The following ZNF17 variants were observed in gnomAD, a reference collection of about 807,000 sequenced individuals.
ZNF17 encodes zinc finger protein 17 (HPF3, KOX 10).
Under a neutral mutation model 7.7 loss-of-function variants are expected in ZNF17, and 4 were observed. The ratio of observed to expected loss-of-function variants is 0.52; its 90% CI spans 0.26 to 1.20. The LOEUF (loss-of-function observed/expected upper bound fraction) is 1.20, where lower values mean the gene tolerates loss of function less well. Ranked by LOEUF, ZNF17 falls within the 50% of genes most tolerant of loss-of-function variation. ZNF17 has a pLI of 0.14. For missense variants in ZNF17, 738 were observed against 799.5 expected, an observed-to-expected ratio of 0.92 and a Z score of 0.93; for synonymous variants, 249 against 258.8, an observed-to-expected ratio of 0.96 and a Z score of 0.36.
In ZNF17 at chr19:57,420,847, G is replaced by A. The variant is rs773653084; in HGVS notation, c.1361G>A (p.Arg454Lys). 1.2e-6 allele frequency: 2 copies of A among 1,614,052 alleles called. No individual in the cohort carries two copies. The highest frequency in any genetic ancestry group is 3.3e-5 in the Admixed American group (2 of 60,006). ...YECNKCGKFFRYCFTLNRHQR... is the reference protein window; with the variant it reads ...YECNKCGKFFKYCFTLNRHQR... ...TGCAACAAATGTGGGAAATTCTTTAGGTATTGCTTCACACTGAATAGACAT... is the reference window on the plus strand; with the variant it reads ...TGCAACAAATGTGGGAAATTCTTTAAGTATTGCTTCACACTGAATAGACAT... The change falls in exon 4 of 4, where the codon AGG (arginine) becomes AAG (lysine). Residue 454 changes from arginine to lysine, a missense_variant. Arg to Lys is a conservative substitution (Grantham distance 26). Around this residue, in one of 3 missense-constraint regions of ZNF17, gnomAD observed 616 missense variants for 663.9 expected, o/e 0.93. Transcript: ENST00000307658.
At chr19:57,414,359 G>C (rs1293353978) in intron 2 of ZNF17, among the ~76,000 whole-genome samples, 1 of 149,152 alleles carries the variant, frequency 6.7e-6, no homozygotes, top group Non-Finnish European at 1.5e-5. Context: ...TTTCCAGACA[G>C]AGGCTAACTC....
At position 57,417,932 on chromosome 19, in the gene ZNF17, C is replaced by T. The variant is rs756176072; in HGVS notation, c.42C>T (p.Asp14=). The stretch of plus-strand genomic sequence containing the variant: ...GGCAGGATTATATGGTTTTTGAGGA[C>T]GTGGCCATACATTTCTCCCAGGAGG... ...DAGQDYMVFE[D]VAIHFSQEEW... Residue 14 remains aspartate (D), a synonymous_variant, in exon 3 of 4, where the codon GAC becomes GAT. Coordinates refer to ENST00000307658, the MANE Select transcript of ZNF17 (RefSeq NM_001330617.2). The T allele has an allele frequency of 6.8e-6, 11 of 1,613,564 alleles. No individual in the cohort carries two copies. The highest frequency in any genetic ancestry group is 4.5e-5 in the East Asian group (2 of 44,888).
intron 3 of ZNF17, 95 bp downstream of exon 3, chr19:57,418,133 T>C (rs368734572): frequency 6.8e-7 from 1 of 1,465,958 alleles, no homozygotes; most frequent in South Asian, 1.3e-5. Flanking sequence ...TCATGGATGC[T>C]GCATCCTCTC....
intron 1 of ZNF17, chr19:57,411,792 G>T (rs2088778738): frequency 5.1e-6 from 3 of 591,600 alleles, no homozygotes; most frequent in Non-Finnish European, 2.2e-6. Context: ...CCGCTGAGGA[G>T]ACCCCTTGAG....
Position 57,421,011 on chromosome 19 carries a change from T to C in ZNF17, c.1525T>C (p.Phe509Leu). 2 of 1,614,178 alleles carry C rather than the reference T, an allele frequency of 1.2e-6. No homozygotes were observed. Residue 509 changes from phenylalanine to leucine, a missense_variant, in exon 4 of 4, where the codon TTT (phenylalanine) becomes CTT (leucine). Physicochemically the swap from Phe to Leu is conservative, Grantham distance 22 (BLOSUM62 0). Transcript: ENST00000307658. ...TGAATGCAGCATTTGTGGGAAATCC[T>C]TTAGATGTCGCTCCACACTTGATAC... The part of the protein sequence containing the change: ...PFECSICGKS[F>L]RCRSTLDTHQ...
rs757304495 is a variant in ZNF17, at chr19:57,420,787, A to G, written c.1301A>G (p.His434Arg). ...ATGGACACTTCCACACTCATTATTC[A>G]TCAGAGAGTTCATACTGGAGAAAAG... The part of the protein sequence containing the change: ...FFMDTSTLII[H>R]QRVHTGEKPY... Residue 434 changes from histidine to arginine, a missense_variant, in exon 4 of 4, where the codon CAT (histidine) becomes CGT (arginine). This residue lies in a region of ZNF17 where 616 missense variants were observed against 663.9 expected (regional missense o/e 0.93). Coordinates refer to ENST00000307658, the MANE Select transcript of ZNF17 (RefSeq NM_001330617.2). 3 of 1,614,174 alleles carry G rather than the reference A, an allele frequency of 1.9e-6. No individual in the cohort carries two copies. The highest frequency in any genetic ancestry group is 1.3e-5 in the African/African-American group (1 of 75,056).
Position 57,411,274 on chromosome 19 carries a change from C to T in ZNF17, c.-153C>T. The T allele has an allele frequency of 2.1e-6, 3 of 1,418,398 alleles. No homozygotes were observed. In the East Asian group the frequency reaches 7.3e-5, roughly 35 times the overall value. The allele number at this position is 1,418,398 out of a possible 1,614,324, so 87.9% of individuals were successfully genotyped here. A position where few individuals can be genotyped will look rare whatever the true frequency, so the allele number is the denominator to read the frequency against. On this transcript the variant is annotated 5_prime_UTR_variant, in exon 1 of 4. Coordinates refer to ENST00000307658, the MANE Select transcript of ZNF17 (RefSeq NM_001330617.2). ...CGCGAGAAAAGGTTTCCCCGTTGTA[C>T]AGAGGCTAGAGTGAGGCTCGGTTGA...
In ZNF17 at chr19:57,419,212, C is replaced by T. The variant is rs557197220; in HGVS notation, c.149-423C>T. 6.1e-5 allele frequency: 10 copies of T among 165,106 alleles called. No homozygotes were observed. In the South Asian group the frequency reaches 1.5e-3, roughly 25 times the overall value. The allele number at this position is 165,106 out of a possible 1,614,324, so 10.2% of individuals were successfully genotyped here. A position where few individuals can be genotyped will look rare whatever the true frequency, so the allele number is the denominator to read the frequency against. On this transcript the variant is annotated intron_variant, in intron 3 of 3. Transcript: ENST00000307658. The stretch of plus-strand genomic sequence containing the variant: ...TCCTTTTACTGTTCCCTTTGTAGTG[C>T]CCTCAACATATGACCTGTACTTAAG...
At position 57,420,997 on chromosome 19, in the gene ZNF17, T is replaced by C. The variant is rs538582398; in HGVS notation, c.1511T>C (p.Ile504Thr). The C allele has an allele frequency of 2.5e-6, 4 of 1,613,300 alleles. No individual in the cohort carries two copies. The South Asian group carries it at 3.3e-5, about 13-fold the overall frequency. ...GGAGAAAGACCTTTTGAATGCAGCA[T>C]TTGTGGGAAATCCTTTAGATGTCGC... ...HTGERPFECS[I>T]CGKSFRCRST... The change falls in exon 4 of 4, where the codon ATT becomes ACT. Residue 504 changes from isoleucine (I) to threonine (T), a missense_variant. Ile to Thr is a moderately conservative substitution (Grantham distance 89). Transcript: ENST00000307658.
In ZNF17 at chr19:57,411,251, C is replaced by A; in HGVS notation, c.-176C>A. On this transcript the variant is annotated 5_prime_UTR_variant, in exon 1 of 4. Transcript: ENST00000307658. ...ACTGAGGTGAAAAAGCGGAAAAACG[C>A]GAGAAAAGGTTTCCCCGTTGTACAG... The A allele has an allele frequency of 8.1e-7, 1 of 1,238,304 alleles. No homozygotes were observed. The highest frequency in any genetic ancestry group is 1.1e-6 in the Non-Finnish European group (1 of 904,878). The allele number at this position is 1,238,304 out of a possible 1,614,324, so 76.7% of individuals were successfully genotyped here.
rs1430561936 is a variant in ZNF17, at chr19:57,420,898, C to T, written c.1412C>T (p.Pro471Leu). 3.1e-6 allele frequency: 5 copies of T among 1,613,952 alleles called. No individual in the cohort carries two copies. The highest frequency in any genetic ancestry group is 4.2e-6 in the Non-Finnish European group (5 of 1,179,990). ...CAGAGAGTTCACTCTGGAGAGAGGC[C>T]TTATGAATGCAGTGAATGTGGCAAA... ...RHQRVHSGER[P>L]YECSECGKFF... Residue 471 changes from proline to leucine, a missense_variant, in exon 4 of 4, where the codon CCT (proline) becomes CTT (leucine). By Grantham distance (98) the Pro-to-Leu change is moderately conservative (BLOSUM62 -3). This residue lies in a region of ZNF17 where 616 missense variants were observed against 663.9 expected (regional missense o/e 0.93). Transcript: ENST00000307658.
intron 1 of ZNF17, among the ~76,000 whole-genome samples, chr19:57,412,333 G>A (rs1311935590): frequency 6.6e-6 from 1 of 152,174 alleles, no homozygotes; most frequent in Non-Finnish European, 1.5e-5. Flanking sequence ...AGGGCCTCCA[G>A]CAAGCTTCCA....
Position 57,420,770 on chromosome 19 carries a change from T to C in ZNF17, c.1284T>C (p.Thr428=), listed in dbSNP as rs879212293. 1 of 1,612,162 alleles carries C rather than the reference T, an allele frequency of 6.2e-7. No homozygotes were observed. The highest frequency in any genetic ancestry group is 1.3e-5 in the African/African-American group (1 of 74,304). ...AATGTGGGAAGTTCTTTATGGACAC[T>C]TCCACACTCATTATTCATCAGAGAG... is the stretch of plus-strand genomic sequence containing the variant. ...CSECGKFFMD[T]STLIIHQRVH... The change falls in exon 4 of 4, where the codon ACT becomes ACC. Residue 428 remains threonine (T), a synonymous_variant. Transcript: ENST00000307658.
At position 57,419,937 on chromosome 19, in the gene ZNF17, T is replaced by A. The variant is rs375624961; in HGVS notation, c.451T>A (p.Cys151Ser). 1.2e-6 allele frequency: 2 copies of A among 1,614,114 alleles called. No individual in the cohort carries two copies. The highest frequency in any genetic ancestry group is 1.7e-5 in the Admixed American group (1 of 60,010). Reference sequence around the variant, plus strand: ...TCACCTGGCAAAGAGGAACCTCACATGCATGCAGGGTGGCAAGGATTTTAC... The same window carrying A: ...TCACCTGGCAAAGAGGAACCTCACAAGCATGCAGGGTGGCAAGGATTTTAC... ...SVHLAKRNLT[C>S]MQGGKDFTGD... The change falls in exon 4 of 4, where the codon TGC becomes AGC. Residue 151 changes from cysteine to serine, a missense_variant. Coordinates refer to ENST00000307658, the MANE Select transcript of ZNF17 (RefSeq NM_001330617.2).
Position 57,420,916 on chromosome 19 carries a change from G to A in ZNF17, c.1430G>A (p.Cys477Tyr). 4 of 1,614,176 alleles carry A rather than the reference G, an allele frequency of 2.5e-6. No individual in the cohort carries two copies. The highest frequency in any genetic ancestry group is 2.5e-6 in the Non-Finnish European group (3 of 1,180,000). The change falls in exon 4 of 4, where the codon TGT becomes TAT. Residue 477 changes from cysteine (C) to tyrosine (Y), a missense_variant. By Grantham distance (194) the Cys-to-Tyr change is radical. Around this residue, in one of 3 missense-constraint regions of ZNF17, gnomAD observed 616 missense variants for 663.9 expected, o/e 0.93. Transcript: ENST00000307658. ...GAGAGGCCTTATGAATGCAGTGAAT[G>A]TGGCAAATTCTTTGTGGACAGCTGT... ...SGERPYECSE[C>Y]GKFFVDSCTL...
Position 57,421,225 on chromosome 19 carries a change from G to C in ZNF17, c.1739G>C (p.Arg580Thr), listed in dbSNP as rs2088849396. 6.2e-7 allele frequency: 1 copy of C among 1,614,106 alleles called. No individual in the cohort carries two copies. Among genetic ancestry groups the C allele is most frequent in the Non-Finnish European group, 8.5e-7 (1 of 1,180,024 alleles). ...HLIRHQKVHT[R>T]ERTYKCSKCG... The stretch of plus-strand genomic sequence containing the variant: ...ATTCGGCACCAAAAAGTTCACACTA[G>C]GGAAAGAACTTACAAATGCAGCAAA... The change falls in exon 4 of 4, where the codon AGG becomes ACG. Residue 580 changes from arginine to threonine, a missense_variant. This residue lies in a region of ZNF17 where 116 missense variants were observed against 114.0 expected (regional missense o/e 1.02). Transcript: ENST00000307658.
At chr19:57,413,449 A>G (rs187953938) in intron 1 of ZNF17, 147 bp from the exon 2 acceptor site, 15 of 740,396 alleles carry the variant, frequency 2.0e-5, no homozygotes, top group Non-Finnish European at 3.3e-5. Context: ...AAGGAAGTTC[A>G]GTCCTCATCA....
At chr19:57,413,738 T>G in intron 2 of ZNF17, 102 bp downstream of exon 2, 1 of 1,418,116 alleles carries the variant, frequency 7.1e-7, no homozygotes, top group South Asian at 1.2e-5. Context: ...TTCTTCTCTC[T>G]CCCTTGGGTC....
At chr19:57,419,054 T>A (rs2088830214) in intron 3 of ZNF17, 1 of 152,640 alleles carries the variant, frequency 6.6e-6, no homozygotes, top group Non-Finnish European at 1.5e-5. Flanking sequence ...GCTAATTTTG[T>A]ATTTTTAGTA....
Sources: gnomAD v4.1 joint callset for allele counts (sites outside exome capture counted in the v4.1 genomes callset) on GRCh38, gnomAD v4.1.1 for gene constraint, gnomAD v4.1.1 regional missense constraint, MANE v1.5 for transcripts, NCBI Gene and HGNC (gene_info 2026-07-23, HGNC 2026-07-21) for gene names.